The following IL1RAP variants were observed in gnomAD, a reference collection of about 807,000 sequenced individuals.
IL1RAP encodes the protein interleukin-1 receptor accessory protein.
In IL1RAP, 35 loss-of-function variants were observed where a neutral mutation model predicts 60.7. The ratio of observed to expected loss-of-function variants is 0.58; its 90% CI spans 0.44 to 0.76. IL1RAP has a LOEUF of 0.76. Among genes scored for constraint, IL1RAP ranks in the 30% least tolerant of loss-of-function variants. The probability of loss-of-function intolerance (pLI) is 0.00; values close to 1 mark genes in which losing one functional copy is unlikely to be tolerated. For missense variants in IL1RAP, 572 were observed against 693.9 expected (o/e 0.82, Z 1.97); for synonymous variants, 268 against 250.9 (o/e 1.07, Z -0.64).
Position 190,604,328 on chromosome 3 carries a change from G to A in IL1RAP, c.265G>A (p.Glu89Lys), listed in dbSNP as rs1158634657. The A allele has an allele frequency of 1.4e-5, 23 of 1,613,870 alleles. No individual in the cohort carries two copies. Among genetic ancestry groups the A allele is most frequent in the Non-Finnish European group, 1.6e-5 (19 of 1,179,978 alleles). Reference sequence around the variant, plus strand: ...GGAGCCAATTAACTTCCGCCTCCCCGAGAACCGCATTAGTAAGGAGAAAGA... The same window carrying A: ...GGAGCCAATTAACTTCCGCCTCCCCAAGAACCGCATTAGTAAGGAGAAAGA... ...LEEPINFRLP[E>K]NRISKEKDVL... Residue 89 changes from glutamate to lysine, a missense_variant, in exon 4 of 12, where the codon GAG becomes AAG. Coordinates refer to ENST00000447382, the MANE Select transcript of IL1RAP (RefSeq NM_002182.4).
chr3:190,623,344 G>T lies in IL1RAP; in HGVS notation c.704G>T (p.Gly235Val). 1 of 1,611,494 alleles carries T rather than the reference G, an allele frequency of 6.2e-7. No homozygotes were observed. The highest frequency in any genetic ancestry group is 8.5e-7 in the Non-Finnish European group (1 of 1,177,992). The change falls in exon 7 of 12, where the codon GGC (glycine) becomes GTC (valine). Residue 235 changes from glycine to valine, a missense_variant and splice_region_variant. Coordinates refer to ENST00000447382, the MANE Select transcript of IL1RAP (RefSeq NM_002182.4). ...LTRTLTVKVVGSPKNAVPPVI... is the reference protein window; with the variant it reads ...LTRTLTVKVVVSPKNAVPPVI... ...CCCTTTTTTATTTCCTCTAACACAG[G>T]CTCTCCAAAAAATGCAGTGCCCCCT...
chr3:190,585,657 A>T (rs1421535877), intron 3 of IL1RAP, among the ~76,000 whole-genome samples: 1 of 151,824 alleles, frequency 6.6e-6, no homozygotes, highest in Non-Finnish European at 1.5e-5. Flanking sequence ...ACTAAAATAC[A>T]AAAAATTAGC....
At position 190,554,485 on chromosome 3, in the gene IL1RAP, A is replaced by G. The variant is rs1308320528; in HGVS notation, c.-88-1645A>G. The G allele has an allele frequency of 2.6e-5, 4 of 152,326 alleles. No homozygotes were observed. The South Asian group carries it at 8.3e-4, about 32-fold the overall frequency. The allele number at this position is 152,326 out of a possible 1,614,324, so 9.4% of individuals were successfully genotyped here. ...ACCCTTTATATTTGGCTGTCTCAAA[A>G]TAACTTTGCTTAATGTTGTGTTAAG... On this transcript the variant is annotated intron_variant, in intron 1 of 11. Transcript: ENST00000447382.
intron 3 of IL1RAP, among the ~76,000 whole-genome samples, chr3:190,595,889 G>A (rs1249513113): frequency 6.6e-6 from 1 of 152,154 alleles, no homozygotes; most frequent in East Asian, 1.9e-4. Flanking sequence ...CTATTTCTAT[G>A]TCTTTCTTTT....
intron 3 of IL1RAP, among the ~76,000 whole-genome samples, chr3:190,594,888 T>G (rs1389929441): frequency 6.6e-6 from 1 of 152,216 alleles, no homozygotes; most frequent in African/African-American, 2.4e-5. Flanking sequence ...TTCATAACTA[T>G]TTTACACTAT....
intron 3 of IL1RAP, among the ~76,000 whole-genome samples, chr3:190,573,062 A>T (rs1202967827): frequency 2.4e-5 from 1 of 42,088 alleles, no homozygotes; most frequent in South Asian, 6.7e-4. Context: ...ACGGGGTTTC[A>T]CCGTTTTAGC....
At chr3:190,629,829 G>A (rs1384503584) in intron 9 of IL1RAP, 2 of 1,015,148 alleles carry the variant, frequency 2.0e-6, no homozygotes, top group Non-Finnish European at 2.4e-6. Context: ...AGAAAAAACT[G>A]GTAGAGCCAC....
intron 1 of IL1RAP, among the ~76,000 whole-genome samples, chr3:190,550,158 C>T (rs1011393653): frequency 6.6e-6 from 1 of 152,208 alleles, no homozygotes; most frequent in Non-Finnish European, 1.5e-5. Context: ...CTCTATTCCC[C>T]CTACTGTCAG....
chr3:190,593,883 C>T (rs1173945151), intron 3 of IL1RAP, among the ~76,000 whole-genome samples: 2 of 151,970 alleles, frequency 1.3e-5, no homozygotes, highest in African/African-American at 4.8e-5. Context: ...TTTTGGAAAC[C>T]AGTGGTATAT....
intron 3 of IL1RAP, among the ~76,000 whole-genome samples, chr3:190,581,885 A>G (rs1014931944): frequency 6.6e-6 from 1 of 152,176 alleles, no homozygotes; most frequent in Non-Finnish European, 1.5e-5. Context: ...TCATATGTCT[A>G]ACTGTTTCAG....
At chr3:190,522,289 G>GCTTCCTTCCTTCCTTCCTTCCTTCCTTC (rs72459878) in intron 1 of IL1RAP, among the ~76,000 whole-genome samples, 2 of 135,466 alleles carry the variant, frequency 1.5e-5, no homozygotes, top group Admixed American at 7.7e-5. Flanking sequence ...GCCTTCCTTT[G>GCTTCCTTCCTTCCTTCCTTCCTTCCTTC]CTTCCTTCCT....
chr3:190,558,247 A>G (rs1725593162), intron 2 of IL1RAP, among the ~76,000 whole-genome samples: 1 of 152,202 alleles, frequency 6.6e-6, no homozygotes. Context: ...TTCTACAAAC[A>G]TGCAGGTATA....
At chr3:190,594,064 A>G (rs761380227) in intron 3 of IL1RAP, among the ~76,000 whole-genome samples, 1 of 152,230 alleles carries the variant, frequency 6.6e-6, no homozygotes, top group South Asian at 2.1e-4. Flanking sequence ...ATCAGTGAAG[A>G]CAATGATCAG....
At chr3:190,658,071 A>G (rs1734673847) in exon 12 of IL1RAP, 1 of 151,372 alleles carries the variant, frequency 6.6e-6, no homozygotes, top group South Asian at 2.1e-4. Flanking sequence ...AAAAAAAAAA[A>G]TGGGTAGCTT....
intron 6 of IL1RAP, among the ~76,000 whole-genome samples, 162 bp downstream of exon 6, chr3:190,620,602 C>T (rs539773122): frequency 6.6e-6 from 1 of 152,054 alleles, no homozygotes; most frequent in Non-Finnish European, 1.5e-5. Context: ...CCATGCACAT[C>T]GTAAGCATTC....
intron 1 of IL1RAP, among the ~76,000 whole-genome samples, chr3:190,544,905 T>A (rs1475393212): frequency 6.6e-6 from 1 of 152,200 alleles, no homozygotes; most frequent in African/African-American, 2.4e-5. Context: ...GCATAGCCTT[T>A]CAAAATCATT....
Position 190,649,057 on chromosome 3 carries a change from T to C in IL1RAP, c.*352T>C. 1.0e-6 allele frequency: 1 copy of C among 999,906 alleles called. No homozygotes were observed. Among genetic ancestry groups the C allele is most frequent in the Non-Finnish European group, 1.2e-6 (1 of 839,666 alleles). 61.9% of individuals were successfully genotyped at this position (999,906 alleles called of 1,614,324 possible). ...GAGCAGCCTTTCCTATGAATTTAAATATGCCTTTAAAATAAGTCACTGTTG... is the reference window on the plus strand; with the variant it reads ...GAGCAGCCTTTCCTATGAATTTAAACATGCCTTTAAAATAAGTCACTGTTG... On this transcript the variant is annotated 3_prime_UTR_variant, in exon 12 of 12. Coordinates refer to ENST00000447382, the MANE Select transcript of IL1RAP (RefSeq NM_002182.4).
intron 1 of IL1RAP, among the ~76,000 whole-genome samples, chr3:190,526,101 GC>G (rs1299478859): frequency 6.6e-6 from 1 of 152,148 alleles, no homozygotes; most frequent in Admixed American, 6.5e-5. Context: ...TGTTTACTGG[GC>G]CCGTGCACAT....
At chr3:190,630,685 T>G (rs935342352) in intron 9 of IL1RAP, among the ~76,000 whole-genome samples, 1 of 152,214 alleles carries the variant, frequency 6.6e-6, no homozygotes, top group African/African-American at 2.4e-5. Flanking sequence ...AAGGAAAGAC[T>G]GAAGTACATG....
Sources: gnomAD v4.1 joint callset for allele counts (sites outside exome capture counted in the v4.1 genomes callset) on GRCh38, gnomAD v4.1.1 for gene constraint, MANE v1.5 for transcripts, NCBI Gene and HGNC (gene_info 2026-07-23, HGNC 2026-07-21) for gene names.